Variants in SLC4A10 observed in about 807,000 individuals in gnomAD.
The protein encoded by SLC4A10 is solute carrier family 4 member 10, also known as sodium-driven chloride bicarbonate exchanger.
A neutral mutation model predicts 137.7 loss-of-function variants in SLC4A10; 42 were observed. The ratio of observed to expected loss-of-function variants is 0.30; its 90% CI spans 0.24 to 0.39. The LOEUF (loss-of-function observed/expected upper bound fraction) is 0.39. Ranked by LOEUF, SLC4A10 falls within the 10% of genes least tolerant of loss-of-function variation. SLC4A10 has a pLI of 1.00. For synonymous variants in SLC4A10, 474 were observed against 464.1 expected, an observed-to-expected ratio of 1.02 and a Z score of -0.27; for missense variants, 925 against 1,355.0, an observed-to-expected ratio of 0.68 and a Z score of 4.98.
chr2:161,853,910 G>A (rs1234831763), intron 4 of SLC4A10, among the ~76,000 whole-genome samples: 1 of 151,830 alleles, frequency 6.6e-6, no homozygotes, highest in Non-Finnish European at 1.5e-5. Flanking sequence ...CATTCTGACT[G>A]TCTCTTTTGG....
At chr2:161,668,213 A>G (rs73971350) in intron 1 of SLC4A10, among the ~76,000 whole-genome samples, 4,962 of 151,866 alleles carry the variant, frequency 0.033, 273 homozygotes, top group African/African-American at 0.11. Flanking sequence ...AGAATTTTGC[A>G]GTTAAGATAA....
At chr2:161,742,726 C>G (rs2048040043) in intron 1 of SLC4A10, among the ~76,000 whole-genome samples, 1 of 152,122 alleles carries the variant, frequency 6.6e-6, no homozygotes, top group Non-Finnish European at 1.5e-5. Context: ...AGGCATGAAC[C>G]ATGGTGCCCA....
chr2:161,950,538 G>A, intron 18 of SLC4A10, 149 bp from the exon 19 acceptor site: 1 of 637,220 alleles, frequency 1.6e-6, no homozygotes. Flanking sequence ...ATGGTTTTAA[G>A]TGATTTATGA....
At chr2:161,981,878 G>A (rs1700264109) in intron 26 of SLC4A10, among the ~76,000 whole-genome samples, 1 of 152,206 alleles carries the variant, frequency 6.6e-6, no homozygotes, top group Non-Finnish European at 1.5e-5. Flanking sequence ...CTCAGAGCTG[G>A]CAGCGTGCCA....
chr2:161,903,418 T>A (rs777059673), intron 12 of SLC4A10, among the ~76,000 whole-genome samples: 10 of 152,196 alleles, frequency 6.6e-5, no homozygotes, highest in Non-Finnish European at 1.0e-4. Flanking sequence ...TAAGTATTGC[T>A]GCCATCCAAA....
chr2:161,850,871 C>T (rs1484992678), intron 4 of SLC4A10, among the ~76,000 whole-genome samples: 1 of 152,090 alleles, frequency 6.6e-6, no homozygotes. Flanking sequence ...TTCCTCTCAA[C>T]ACTGCTTTTG....
At chr2:161,939,153 T>C (rs780989900) in intron 15 of SLC4A10, among the ~76,000 whole-genome samples, 8 of 152,218 alleles carry the variant, frequency 5.3e-5, no homozygotes, top group Non-Finnish European at 1.0e-4. Context: ...CTCTGCTCAC[T>C]GCAACCTCTG....
chr2:161,896,969 C>G (rs1049659657), intron 11 of SLC4A10, among the ~76,000 whole-genome samples: 2 of 152,024 alleles, frequency 1.3e-5, no homozygotes, highest in Non-Finnish European at 2.9e-5. Context: ...TGATACATCA[C>G]TTTGAAATTG....
chr2:161,707,372 A>G (rs1172166137), intron 1 of SLC4A10, among the ~76,000 whole-genome samples: 1 of 151,454 alleles, frequency 6.6e-6, no homozygotes, highest in East Asian at 1.9e-4. Flanking sequence ...TCGTGAATTC[A>G]GGCTATTCAT....
chr2:161,935,949 G>C (rs538870661), intron 15 of SLC4A10, among the ~76,000 whole-genome samples: 1 of 151,936 alleles, frequency 6.6e-6, no homozygotes, highest in African/African-American at 2.4e-5. Context: ...TATTGTGTTG[G>C]GGTACATTCC....
intron 8 of SLC4A10, among the ~76,000 whole-genome samples, chr2:161,875,987 G>T (rs190694338): frequency 1.3e-5 from 2 of 152,030 alleles, no homozygotes; most frequent in Non-Finnish European, 2.9e-5. Context: ...AACTCTTAGC[G>T]TGTAGTTTGC....
intron 11 of SLC4A10, among the ~76,000 whole-genome samples, chr2:161,895,303 A>G (rs2063349860): frequency 1.3e-5 from 2 of 152,152 alleles, no homozygotes; most frequent in South Asian, 4.2e-4. Flanking sequence ...TTCTTAATCC[A>G]GTCTATCATT....
rs188650998 is a variant in SLC4A10 at position 161,804,979 on chromosome 2, C to T, written c.277+384C>T. Among the ~76,000 whole-genome samples the T allele has an allele frequency of 5.9e-4, 90 of 152,096 alleles. No individual in the cohort carries two copies. In the Middle Eastern group the frequency reaches 0.01, roughly 17 times the overall value. On this transcript the variant is annotated intron_variant, in intron 3 of 26. Coordinates refer to ENST00000446997, the MANE Select transcript of SLC4A10 (RefSeq NM_001178015.2). ...TCAGTCTTAGGATGTTGTATTAGTCCGTTTTCACACTGCTGATAAAGACAT... is the reference window on the plus strand; with the variant it reads ...TCAGTCTTAGGATGTTGTATTAGTCTGTTTTCACACTGCTGATAAAGACAT...
At chr2:161,883,345 T>C (rs1013045704) in intron 10 of SLC4A10, among the ~76,000 whole-genome samples, 2 of 152,230 alleles carry the variant, frequency 1.3e-5, no homozygotes, top group Non-Finnish European at 2.9e-5. Flanking sequence ...TTACTTTTTC[T>C]ATGTTTACAA....
chr2:161,780,147 C>G (rs2052840950), intron 2 of SLC4A10, among the ~76,000 whole-genome samples: 1 of 151,962 alleles, frequency 6.6e-6, no homozygotes, highest in South Asian at 2.1e-4. Flanking sequence ...GATTGTCATG[C>G]TTTTATAGCA....
At chr2:161,868,454 C>T (rs2125912535) in intron 6 of SLC4A10, among the ~76,000 whole-genome samples, 1 of 151,708 alleles carries the variant, frequency 6.6e-6, no homozygotes, top group South Asian at 2.1e-4. Flanking sequence ...TCAGTTTTCT[C>T]CTATGCTAGC....
At position 161,985,012 on chromosome 2, in the gene SLC4A10, C is replaced by T. The variant is rs1056419124; in HGVS notation, c.*1860C>T. ...CTGTATTTCTGAGTATTTTTATAGT[C>T]ATTTTGTTCTTGTGTGAATTTTAAA... On this transcript the variant is annotated 3_prime_UTR_variant, in exon 27 of 27. Coordinates refer to ENST00000446997, the MANE Select transcript of SLC4A10 (RefSeq NM_001178015.2). 3.3e-5 allele frequency: 5 copies of T among 151,864 alleles called. No homozygotes were observed. The highest frequency in any genetic ancestry group is 5.9e-5 in the Non-Finnish European group (4 of 67,880). The allele number at this position is 151,864 out of a possible 1,614,324, so 9.4% of individuals were successfully genotyped here.
chr2:161,934,091 T>C (rs1043828575), intron 15 of SLC4A10, among the ~76,000 whole-genome samples: 6 of 152,224 alleles, frequency 3.9e-5, no homozygotes, highest in Admixed American at 2.6e-4. Context: ...GGCATTTTGA[T>C]GTGTAATGAT....
chr2:161,736,064 A>G (rs1420000812), intron 1 of SLC4A10, among the ~76,000 whole-genome samples: 1 of 152,168 alleles, frequency 6.6e-6, no homozygotes, highest in Non-Finnish European at 1.5e-5. Flanking sequence ...TACATAATAC[A>G]TAGAGACATA....
Sources: gnomAD v4.1 joint callset for allele counts (sites outside exome capture counted in the v4.1 genomes callset) on GRCh38, gnomAD v4.1.1 for gene constraint, MANE v1.5 for transcripts, NCBI Gene and HGNC (gene_info 2026-07-23, HGNC 2026-07-21) for gene names.